SAMTOR: variants seen among roughly 807,000 people sequenced by gnomAD.
SAMTOR encodes the protein UPF0532 protein C7orf60.
chr7:112,835,813 T>A, the SAMTOR span, among the ~76,000 whole-genome samples: 1 of 152,114 alleles, frequency 6.6e-6, no homozygotes, highest in African/African-American at 2.4e-5. Flanking sequence ...AAGGACATGA[T>A]TTCATTCTTT....
chr7:112,879,311 C>T, the SAMTOR span, among the ~76,000 whole-genome samples: 1 of 151,430 alleles, frequency 6.6e-6, no homozygotes, highest in African/African-American at 2.4e-5. Flanking sequence ...GTGCAGCTGC[C>T]ATACGCTGAG....
the SAMTOR span, among the ~76,000 whole-genome samples, chr7:112,823,707 A>G: frequency 6.6e-6 from 1 of 152,182 alleles, no homozygotes; most frequent in African/African-American, 2.4e-5. Flanking sequence ...ATCATACAGT[A>G]GGTGGTGTAG....
the SAMTOR span, among the ~76,000 whole-genome samples, chr7:112,840,258 A>T: frequency 5.3e-5 from 8 of 152,018 alleles, no homozygotes; most frequent in African/African-American, 1.9e-4. Flanking sequence ...TGATTTTGCT[A>T]ATTTGAAAAT....
At chr7:112,845,783 T>A in the SAMTOR span, among the ~76,000 whole-genome samples, 9 of 152,254 alleles carry the variant, frequency 5.9e-5, no homozygotes, top group East Asian at 1.2e-3. Context: ...CACATGCACA[T>A]GTATGTTCAC....
chr7:112,837,534 CTA>C, the SAMTOR span, among the ~76,000 whole-genome samples: 1 of 151,920 alleles, frequency 6.6e-6, no homozygotes, highest in African/African-American at 2.4e-5. Flanking sequence ...CAAATGCATT[CTA>C]TATATTTGTG....
chr7:112,822,639 T>C, the SAMTOR span, among the ~76,000 whole-genome samples: 1 of 152,218 alleles, frequency 6.6e-6, no homozygotes, highest in African/African-American at 2.4e-5. Context: ...ATTTGTGTAT[T>C]TTGGGTTGGG....
the SAMTOR span, among the ~76,000 whole-genome samples, chr7:112,924,481 TA>T: frequency 6.6e-6 from 1 of 151,990 alleles, no homozygotes; most frequent in Non-Finnish European, 1.5e-5. Context: ...GAAAGAAGAG[TA>T]AGGATACAAA....
chr7:112,823,791 T>A, the SAMTOR span, among the ~76,000 whole-genome samples: 1 of 152,200 alleles, frequency 6.6e-6, no homozygotes, highest in African/African-American at 2.4e-5. Flanking sequence ...ACCAGGAGTA[T>A]GTGAGAGTTC....
the SAMTOR span, among the ~76,000 whole-genome samples, chr7:112,896,506 A>G: frequency 6.6e-6 from 1 of 152,326 alleles, no homozygotes; most frequent in Non-Finnish European, 1.5e-5. Context: ...GTTCAACTTC[A>G]GTTTTTCTTA....
the SAMTOR span, among the ~76,000 whole-genome samples, chr7:112,911,432 T>G: frequency 6.6e-6 from 1 of 152,178 alleles, no homozygotes; most frequent in South Asian, 2.1e-4. Flanking sequence ...AGTCTTTCAT[T>G]CTAGCTGCCT....
chr7:112,848,351 T>A, the SAMTOR span, among the ~76,000 whole-genome samples: 1 of 152,240 alleles, frequency 6.6e-6, no homozygotes, highest in South Asian at 2.1e-4. Flanking sequence ...TACATACCTA[T>A]AATTTGACAA....
At chr7:112,860,023 C>A in the SAMTOR span, among the ~76,000 whole-genome samples, 1 of 152,164 alleles carries the variant, frequency 6.6e-6, no homozygotes, top group East Asian at 1.9e-4. Context: ...AAGTTCCATT[C>A]GTGGTAAGTG....
chr7:112,868,795 T>C, the SAMTOR span, among the ~76,000 whole-genome samples: 3 of 152,144 alleles, frequency 2.0e-5, no homozygotes, highest in Non-Finnish European at 4.4e-5. Flanking sequence ...CAGCAGTAGT[T>C]GCTGGAATTA....
At chr7:112,822,265 G>A in the SAMTOR span, 2 of 1,613,382 alleles carry the variant, frequency 1.2e-6, no homozygotes, top group Non-Finnish European at 1.7e-6. Context: ...TCTCCAGGAA[G>A]AGAATCAATA....
At chr7:112,919,602 G>A in the SAMTOR span, among the ~76,000 whole-genome samples, 6 of 152,114 alleles carry the variant, frequency 3.9e-5, no homozygotes, top group African/African-American at 1.4e-4. Context: ...TAAAATCAGA[G>A]CAGAACTGAA....
chr7:112,918,179 G>T, the SAMTOR span, among the ~76,000 whole-genome samples: 1 of 152,190 alleles, frequency 6.6e-6, no homozygotes, highest in African/African-American at 2.4e-5. Flanking sequence ...AGGAAAAAAT[G>T]TTAAAGGCAG....
At chr7:112,861,921 C>G in the SAMTOR span, among the ~76,000 whole-genome samples, 2,668 of 152,266 alleles carry the variant, frequency 0.018, 35 homozygotes, top group Middle Eastern at 0.061. Flanking sequence ...CCATCCTATT[C>G]TAAATACTTT....
the SAMTOR span, among the ~76,000 whole-genome samples, chr7:112,929,320 C>A: frequency 1.3e-5 from 2 of 151,594 alleles, no homozygotes; most frequent in Non-Finnish European, 3.0e-5. Context: ...AAAAAATGGC[C>A]AATGGGTATA....
chr7:112,833,133 G>C, the SAMTOR span, among the ~76,000 whole-genome samples: 1 of 151,986 alleles, frequency 6.6e-6, no homozygotes, highest in Non-Finnish European at 1.5e-5. Flanking sequence ...CTAATGTCTG[G>C]CTTAATTGAA....
Sources: gnomAD v4.1 joint callset for allele counts (sites outside exome capture counted in the v4.1 genomes callset) on GRCh38, gnomAD v4.1.1 for gene constraint, MANE v1.5 for transcripts, NCBI Gene and HGNC (gene_info 2026-07-23, HGNC 2026-07-21) for gene names.